Variants in USP42 observed in about 807,000 individuals in gnomAD.
The protein encoded by USP42 is ubiquitin specific peptidase 42.
In USP42, 23 loss-of-function variants were observed where a neutral mutation model predicts 113.0. That is an observed-to-expected ratio of 0.20 (90% CI 0.15 to 0.29). The LOEUF is 0.29. Ranked by LOEUF, USP42 falls within the 10% of genes least tolerant of loss-of-function variation. USP42 has a pLI of 1.00. For synonymous variants in USP42, 933 were observed against 699.0 expected, an observed-to-expected ratio of 1.33 and a Z score of -5.28; for missense variants, 2,174 against 1,779.8, an observed-to-expected ratio of 1.22 and a Z score of -3.99.
rs1781316930 is a variant in USP42, at chr7:6,139,188, G to C, written c.650G>C (p.Ser217Thr). The change falls in exon 5 of 18, where the codon AGC becomes ACC. Residue 217 changes from serine to threonine, a missense_variant. Physicochemically the swap from Ser to Thr is moderately conservative, Grantham distance 58. Transcript: ENST00000306177. This position sits in a 1 kb window ranked among gnomAD's most constrained non-coding sequence, Gnocchi z 4.5. ...ATGCAGAAAGCATGCTTGAATGGCAGCAATAAGTAAGTACAACAGAGCGCC... is the reference window on the plus strand; with the variant it reads ...ATGCAGAAAGCATGCTTGAATGGCACCAATAAGTAAGTACAACAGAGCGCC... ...DAMQKACLNG[S>T]NKLDRHTQAT... 6.2e-7 allele frequency: 1 copy of C among 1,600,170 alleles called. No homozygotes were observed. The highest frequency in any genetic ancestry group is 1.3e-5 in the African/African-American group (1 of 74,790).
rs1782217832 is a variant in USP42, at chr7:6,153,850, G to T, written c.2296G>T (p.Ala766Ser). ...CGAATCCCTGGAGGAGCCAGATGCG[G>T]CCGCCGGCCTCAGCAGCACCAAGAA... ...AAESLEEPDA[A>S]AGLSSTKKAP... The change falls in exon 15 of 18, where the codon GCC becomes TCC. Residue 766 changes from alanine (A) to serine (S), a missense_variant. By Grantham distance (99) the Ala-to-Ser change is moderately conservative. Coordinates refer to ENST00000306177, the MANE Select transcript of USP42 (RefSeq NM_032172.3). 1.3e-6 allele frequency: 2 copies of T among 1,547,970 alleles called. No homozygotes were observed. Among genetic ancestry groups the T allele is most frequent in the Non-Finnish European group, 1.7e-6 (2 of 1,146,866 alleles).
upstream of USP42, among the ~76,000 whole-genome samples, chr7:6,103,822 G>C (rs1179462879): frequency 6.6e-6 from 1 of 150,972 alleles, no homozygotes; most frequent in South Asian, 2.1e-4. Flanking sequence ...GGGAAGCCAC[G>C]GAGGGGGAGC....
Position 6,159,621 on chromosome 7 carries a change from G to A in USP42, c.*36+128G>A, listed in dbSNP as rs371140550. 14 of 949,642 alleles carry A rather than the reference G, an allele frequency of 1.5e-5. No individual in the cohort carries two copies. The highest frequency in any genetic ancestry group is 2.6e-5 in the Admixed American group (1 of 38,452). The allele number at this position is 949,642 out of a possible 1,614,324, so 58.8% of individuals were successfully genotyped here. ...TAGGAGTTGGCAGAGCCATGGAGAG[G>A]CCCCGGCAGGTTCCCAGCCAGCCCA... On this transcript the variant is annotated intron_variant, in intron 17 of 17. Transcript: ENST00000306177. This position sits in a 1 kb window ranked among gnomAD's most constrained non-coding sequence, Gnocchi z 4.1.
At position 6,149,719 on chromosome 7, in the gene USP42, A is replaced by G; in HGVS notation, c.1523A>G (p.Asn508Ser). 2 of 1,614,008 alleles carry G rather than the reference A, an allele frequency of 1.2e-6. No homozygotes were observed. The highest frequency in any genetic ancestry group is 3.3e-4 in the Middle Eastern group (2 of 6,062). ...ASASVQNWSVNRSSVIPEHPK... is the reference protein window; with the variant it reads ...ASASVQNWSVSRSSVIPEHPK... ...GCTTCTGTCCAAAACTGGTCAGTTAATAGGTCCTCAGTGATCCCAGAACAT... is the reference window on the plus strand; with the variant it reads ...GCTTCTGTCCAAAACTGGTCAGTTAGTAGGTCCTCAGTGATCCCAGAACAT... The change falls in exon 13 of 18, where the codon AAT (asparagine) becomes AGT (serine). Residue 508 changes from asparagine (N) to serine (S), a missense_variant. Transcript: ENST00000306177.
At position 6,157,299 on chromosome 7, in the gene USP42, G is replaced by T. The variant is rs1042794129; in HGVS notation, c.3943+244G>T. On this transcript the variant is annotated intron_variant, in intron 16 of 17. Transcript: ENST00000306177. This position sits in a 1 kb window ranked among gnomAD's most constrained non-coding sequence, Gnocchi z 4.1. ...CACAGGACTGAGGGCAGCACTACCT[G>T]TGTCACCAAAGCCCTGGAACGTACA... 17 of 1,197,314 alleles carry T rather than the reference G, an allele frequency of 1.4e-5. No individual in the cohort carries two copies. The highest frequency in any genetic ancestry group is 1.8e-5 in the Non-Finnish European group (17 of 966,388). The allele number at this position is 1,197,314 out of a possible 1,614,324, so 74.2% of individuals were successfully genotyped here. A position where few individuals can be genotyped will look rare whatever the true frequency, so the allele number is the denominator to read the frequency against.
Position 6,159,376 on chromosome 7 carries a change from C to T in USP42, c.3944-74C>T, listed in dbSNP as rs369549903. 61 of 1,601,186 alleles carry T rather than the reference C, an allele frequency of 3.8e-5. No homozygotes were observed. The East Asian group carries it at 7.8e-4, about 21-fold the overall frequency. ...AGTGACTCTGACCATAGCCACTTAACGCACACACACAGCAGAGGCCCTGGC... is the reference window on the plus strand; with the variant it reads ...AGTGACTCTGACCATAGCCACTTAATGCACACACACAGCAGAGGCCCTGGC... On this transcript the variant is annotated intron_variant, in intron 16 of 17. Transcript: ENST00000306177. This position sits in a 1 kb window ranked among gnomAD's most constrained non-coding sequence, Gnocchi z 4.1.
Position 6,160,924 on chromosome 7 carries a change from A to AACTG in USP42, c.*409_*412dup, listed in dbSNP as rs1435863202. On this transcript the variant is annotated 3_prime_UTR_variant, in exon 18 of 18. Transcript: ENST00000306177. Reference sequence around the variant, plus strand: ...AGACCATGGAATTGTCAAAAGTACAAACTGACAGTGTGTATATTTAATTTA... The same window carrying AACTG: ...AGACCATGGAATTGTCAAAAGTACAAACTGACTGACAGTGTGTATATTTAATTTA... 2 of 152,658 alleles carry AACTG rather than the reference A, an allele frequency of 1.3e-5. No individual in the cohort carries two copies. Among genetic ancestry groups the AACTG allele is most frequent in the African/African-American group, 4.8e-5 (2 of 41,460 alleles). The allele number at this position is 152,658 out of a possible 1,614,324, so 9.5% of individuals were successfully genotyped here.
chr7:6,107,412 T>TTC (rs1779351898), intron 1 of USP42, among the ~76,000 whole-genome samples: 1 of 149,210 alleles, frequency 6.7e-6, no homozygotes, highest in South Asian at 2.1e-4. Context: ...TCCTTTTCTT[T>TTC]TTTTTTTTTT....
intron 15 of USP42, among the ~76,000 whole-genome samples, chr7:6,156,199 G>A (rs534357428): frequency 1.3e-5 from 2 of 152,352 alleles, no homozygotes; most frequent in South Asian, 4.1e-4. Flanking sequence ...ATGGAAAATA[G>A]GCAGTGGTTA....
intron 1 of USP42, among the ~76,000 whole-genome samples, chr7:6,110,083 C>T (rs899387254): frequency 4.6e-5 from 7 of 151,974 alleles, no homozygotes; most frequent in Admixed American, 3.3e-4. Context: ...ATCTGCCCAC[C>T]TTGGCCTCCC....
chr7:6,082,015 G>A, the USP42 span, among the ~76,000 whole-genome samples: 1 of 151,892 alleles, frequency 6.6e-6, no homozygotes, highest in Non-Finnish European at 1.5e-5. Flanking sequence ...TATTTTCTGC[G>A]GGGACTTGTC....
Position 6,159,553 on chromosome 7 carries a change from AGAG to A in USP42, c.*36+64_*36+66del. The A allele has an allele frequency of 6.5e-7, 1 of 1,539,582 alleles. No homozygotes were observed. Among genetic ancestry groups the A allele is most frequent in the Non-Finnish European group, 9.0e-7 (1 of 1,115,988 alleles). On this transcript the variant is annotated intron_variant, in intron 17 of 17. Coordinates refer to ENST00000306177, the MANE Select transcript of USP42 (RefSeq NM_032172.3). This position sits in a 1 kb window ranked among gnomAD's most constrained non-coding sequence, Gnocchi z 4.1. Reference sequence around the variant, plus strand: ...GTGGTGGCGCTGAGGGGACGCAGGCAGAGGAGTTTTAATTCTGCGGCTCTGCCT... The same window carrying A: ...GTGGTGGCGCTGAGGGGACGCAGGCAGAGTTTTAATTCTGCGGCTCTGCCT...
In USP42 at chr7:6,153,910, A is replaced by G. The variant is rs758855980; in HGVS notation, c.2356A>G (p.Thr786Ala). 5 of 1,598,562 alleles carry G rather than the reference A, an allele frequency of 3.1e-6. No individual in the cohort carries two copies. The highest frequency in any genetic ancestry group is 4.3e-6 in the Non-Finnish European group (5 of 1,174,724). ...GCCCCGCGATCCCGGCACCCCCGCT[A>G]CCAAAGAAGGCGCCTGGGAGGCCAT... is the stretch of plus-strand genomic sequence containing the variant. ...PPPRDPGTPA[T>A]KEGAWEAMAV... The change falls in exon 15 of 18, where the codon ACC becomes GCC. Residue 786 changes from threonine to alanine, a missense_variant. Physicochemically the swap from Thr to Ala is moderately conservative, Grantham distance 58 (BLOSUM62 0). Transcript: ENST00000306177.
intron 3 of USP42, among the ~76,000 whole-genome samples, chr7:6,132,758 G>C (rs542018742): frequency 6.6e-6 from 1 of 151,574 alleles, no homozygotes; most frequent in East Asian, 1.9e-4. Flanking sequence ...TGCAACCTCC[G>C]CCTCCCGGGT....
chr7:6,148,800 C>T (rs1024949216), intron 12 of USP42, among the ~76,000 whole-genome samples: 1 of 152,204 alleles, frequency 6.6e-6, no homozygotes, highest in African/African-American at 2.4e-5. Context: ...TGAGGTATAA[C>T]AGAGTCACAC....
intron 3 of USP42, among the ~76,000 whole-genome samples, chr7:6,130,771 A>G (rs1289793856): frequency 2.0e-5 from 3 of 152,024 alleles, no homozygotes; most frequent in Non-Finnish European, 4.4e-5. Flanking sequence ...ACAAGAGGAG[A>G]CACAAGAGAG....
intron 1 of USP42, among the ~76,000 whole-genome samples, 156 bp downstream of exon 1, chr7:6,105,188 G>C (rs1253632009): frequency 6.9e-6 from 1 of 145,162 alleles, no homozygotes; most frequent in African/African-American, 2.5e-5. Flanking sequence ...ACACAGCCGC[G>C]GGCCGCCCGG....
Position 6,157,030 on chromosome 7 carries a change from G to T in USP42, c.3918G>T (p.Arg1306Ser). 8.1e-6 allele frequency: 13 copies of T among 1,610,114 alleles called. No individual in the cohort carries two copies. Among genetic ancestry groups the T allele is most frequent in the Non-Finnish European group, 1.1e-5 (13 of 1,178,678 alleles). ...TACGGATGGAAAGCAGGGATGACAG[G>T]TGTCGTCTCTTTGAGTATGGCCAGG... ...KHLRMESRDD[R>S]CRLFEYGQGD Residue 1306 changes from arginine (R) to serine (S), a missense_variant, in exon 16 of 18, where the codon AGG (arginine) becomes AGT (serine). Coordinates refer to ENST00000306177, the MANE Select transcript of USP42 (RefSeq NM_032172.3). This position sits in a 1 kb window ranked among gnomAD's most constrained non-coding sequence, Gnocchi z 4.1.
rs2128516690 is a variant in USP42, at chr7:6,150,503, T to G, written c.2198T>G (p.Met733Arg). Reference protein sequence around the residue: ...SNKLKGSTDEMSAPGAERGPP... With the variant: ...SNKLKGSTDERSAPGAERGPP... ...AAACTGAAAGGCTCGACGGATGAAA[T>G]GAGGTAACGTAAGAGTACATCTGAG... The change falls in exon 14 of 18, where the codon ATG becomes AGG. Residue 733 changes from methionine (M) to arginine (R), a missense_variant. By Grantham distance (91) the Met-to-Arg change is moderately conservative (BLOSUM62 -1). Transcript: ENST00000306177. 1.2e-6 allele frequency: 2 copies of G among 1,613,790 alleles called. No individual in the cohort carries two copies. The highest frequency in any genetic ancestry group is 4.5e-5 in the East Asian group (2 of 44,884).
Sources: allele counts gnomAD v4.1 joint callset (sites outside exome capture counted in the v4.1 genomes callset), GRCh38; gene constraint gnomAD v4.1.1; non-coding constraint Gnocchi (gnomAD v3.1); transcripts MANE v1.5; gene names NCBI Gene and HGNC (gene_info 2026-07-23, HGNC 2026-07-21).